Variants in PRKDC observed in about 807,000 individuals in gnomAD.
PRKDC encodes protein kinase, DNA-activated, catalytic subunit.
PRKDC carries 82 observed loss-of-function variants against 486.9 expected under a neutral mutation model. That is an observed-to-expected ratio of 0.17 (90% confidence interval 0.14 to 0.20). The LOEUF is 0.20. Ranked by LOEUF, PRKDC falls within the 10% of genes least tolerant of loss-of-function variation. The probability of loss-of-function intolerance (pLI) is 1.00; values close to 1 mark genes in which losing one functional copy is unlikely to be tolerated. For missense variants in PRKDC, 4,504 were observed against 5,038.2 expected, an observed-to-expected ratio of 0.89 and a Z score of 3.21; for synonymous variants, 1,895 against 1,837.0, an observed-to-expected ratio of 1.03 and a Z score of -0.81.
chr8:47,844,583 A>G (rs1306584093), intron 54 of PRKDC, among the ~76,000 whole-genome samples: 2 of 152,210 alleles, frequency 1.3e-5, no homozygotes, highest in African/African-American at 2.4e-5. Context: ...ACCAGAATAT[A>G]CATTCTTCTC....
chr8:47,822,059 G>C (rs536387252), intron 64 of PRKDC, among the ~76,000 whole-genome samples: 14 of 152,308 alleles, frequency 9.2e-5, no homozygotes, highest in African/African-American at 3.4e-4. Flanking sequence ...AACGCACATG[G>C]ATCACCTGAG....
chr8:47,786,460 C>G (rs1433209550), intron 76 of PRKDC, among the ~76,000 whole-genome samples: 3 of 151,964 alleles, frequency 2.0e-5, no homozygotes, highest in African/African-American at 7.3e-5. Context: ...AGTTATAAAT[C>G]CTAATAAGGG....
At chr8:47,894,607 A>C (rs1252391626) in intron 30 of PRKDC, among the ~76,000 whole-genome samples, 2 of 152,008 alleles carry the variant, frequency 1.3e-5, no homozygotes. Context: ...CTGGGCCTGG[A>C]CCACGCTGAG....
intron 62 of PRKDC, 71 bp from the exon 63 acceptor site, chr8:47,826,932 T>C (rs1015223426): frequency 1.4e-6 from 2 of 1,412,488 alleles, no homozygotes; most frequent in Non-Finnish European, 1.9e-6. Flanking sequence ...AGGAGTAACA[T>C]ACTTTACTAA....
chr8:47,911,118 ATAGT>A (rs943070944), intron 25 of PRKDC, among the ~76,000 whole-genome samples: 1 of 152,136 alleles, frequency 6.6e-6, no homozygotes. Flanking sequence ...AATCTCCCAA[ATAGT>A]TAGTGGGGCT....
At chr8:47,853,016 C>A (rs530836792) in intron 51 of PRKDC, among the ~76,000 whole-genome samples, 1 of 152,228 alleles carries the variant, frequency 6.6e-6, no homozygotes, top group African/African-American at 2.4e-5. Flanking sequence ...CATGCAGAAC[C>A]GCTGCAGCTG....
chr8:47,918,698 C>A (rs1434168438), intron 21 of PRKDC, among the ~76,000 whole-genome samples: 1 of 152,116 alleles, frequency 6.6e-6, no homozygotes, highest in African/African-American at 2.4e-5. Flanking sequence ...CAAAACCAAT[C>A]ATGATGGCAA....
chr8:47,942,913 C>T (rs2090469510), intron 10 of PRKDC, among the ~76,000 whole-genome samples: 1 of 152,212 alleles, frequency 6.6e-6, no homozygotes. Context: ...CCTCAGCCCT[C>T]CACCCACTCT....
chr8:47,935,613 G>A, intron 13 of PRKDC, 119 bp downstream of exon 13: 1 of 1,135,568 alleles, frequency 8.8e-7, no homozygotes, highest in Non-Finnish European at 1.2e-6. Flanking sequence ...CAAAATTTAG[G>A]AGTTCAAAAG....
intron 11 of PRKDC, 41 bp downstream of exon 11, chr8:47,939,510 C>T (rs374854701): frequency 7.6e-6 from 12 of 1,588,408 alleles, no homozygotes; most frequent in African/African-American, 2.7e-5. Flanking sequence ...TAAACAATCA[C>T]GTGAAACCAA....
At chr8:47,802,545 C>G (rs1390746572) in intron 70 of PRKDC, among the ~76,000 whole-genome samples, 1 of 145,978 alleles carries the variant, frequency 6.9e-6, no homozygotes, top group Non-Finnish European at 1.5e-5. Context: ...TGCAGTGGCG[C>G]GATTTTGGCT....
chr8:47,927,831 A>G lies in PRKDC; in HGVS notation c.2199T>C (p.Leu733=). ...DELLASCLTF[L]LSLPHNIIEL... The stretch of plus-strand genomic sequence containing the variant: ...CAATGATGTTGTGTGGCAAGGACAG[A>G]AGAAAGGTCAAACAAGAGGCCAAAA... Residue 733 remains leucine (L), a synonymous_variant, in exon 20 of 86, where the codon CTT becomes CTC. Coordinates refer to ENST00000314191, the MANE Select transcript of PRKDC (RefSeq NM_006904.7). 3 of 1,596,760 alleles carry G rather than the reference A, an allele frequency of 1.9e-6. No homozygotes were observed. The highest frequency in any genetic ancestry group is 2.6e-6 in the Non-Finnish European group (3 of 1,172,972).
intron 54 of PRKDC, among the ~76,000 whole-genome samples, chr8:47,842,390 T>C (rs950184067): frequency 6.6e-6 from 1 of 152,088 alleles, no homozygotes; most frequent in African/African-American, 2.4e-5. Flanking sequence ...AAAATTCTTC[T>C]AGTATCCATC....
intron 67 of PRKDC, among the ~76,000 whole-genome samples, chr8:47,818,286 A>T (rs1041080011): frequency 2.0e-5 from 3 of 152,076 alleles, no homozygotes; most frequent in Admixed American, 6.6e-5. Flanking sequence ...TGTTATAAAG[A>T]CTAGGTAATA....
Position 47,929,839 on chromosome 8 carries a change from C to A in PRKDC, c.2052+14G>T. ...AAAAAACGCAAGATTCAACATCCTG[C>A]AAGAAAGACTCACCTCGAAATATTT... On this transcript the variant is annotated intron_variant, in intron 18 of 85. Transcript: ENST00000314191. 6.3e-7 allele frequency: 1 copy of A among 1,587,636 alleles called. No homozygotes were observed. The highest frequency in any genetic ancestry group is 8.5e-7 in the Non-Finnish European group (1 of 1,172,786).
At chr8:47,803,939 A>AG (rs1291716739) in intron 69 of PRKDC, among the ~76,000 whole-genome samples, 3 of 151,410 alleles carry the variant, frequency 2.0e-5, no homozygotes, top group Non-Finnish European at 4.4e-5. Flanking sequence ...TCTCCAAAAA[A>AG]AAAAAAAAAT....
At chr8:47,910,768 A>G (rs2089885971) in intron 25 of PRKDC, among the ~76,000 whole-genome samples, 1 of 152,226 alleles carries the variant, frequency 6.6e-6, no homozygotes, top group South Asian at 2.1e-4. Flanking sequence ...CCTCAGGTAC[A>G]TAAGCTATTC....
chr8:47,888,829 A>C (rs1563787162), intron 33 of PRKDC, among the ~76,000 whole-genome samples, 179 bp from the exon 34 acceptor site: 1 of 152,208 alleles, frequency 6.6e-6, no homozygotes, highest in Non-Finnish European at 1.5e-5. Context: ...AAGTTTGCTT[A>C]AGTTTGGTAC....
At chr8:47,956,172 G>T (rs1477776475) in intron 3 of PRKDC, among the ~76,000 whole-genome samples, 1 of 152,052 alleles carries the variant, frequency 6.6e-6, no homozygotes, top group East Asian at 1.9e-4. Flanking sequence ...GACCAGCCTG[G>T]CCAGCATGGT....
Sources: allele counts gnomAD v4.1 joint callset (sites outside exome capture counted in the v4.1 genomes callset), GRCh38; gene constraint gnomAD v4.1.1; transcripts MANE v1.5; gene names NCBI Gene and HGNC (gene_info 2026-07-23, HGNC 2026-07-21).